Variants in ATP7A observed in about 807,000 individuals in gnomAD.
ATP7A encodes the protein ATPase copper transporting alpha, also known as copper-transporting ATPase 1.
Under a neutral mutation model 83.5 loss-of-function variants are expected in ATP7A, and 7 were observed. That is an observed-to-expected ratio of 0.08 (90% CI 0.05 to 0.16). ATP7A has a LOEUF of 0.16. Ranked by LOEUF, ATP7A falls within the 10% of genes least tolerant of loss-of-function variation. The pLI is 1.00. For missense variants in ATP7A, 940 were observed against 1,120.8 expected (o/e 0.84, Z 2.30); for synonymous variants, 354 against 395.2 (o/e 0.90, Z 1.24).
In ATP7A at chrX:77,974,473, G is replaced by A. The variant is rs782211188; in HGVS notation, c.120+2712G>A. On this transcript the variant is annotated intron_variant, in intron 2 of 22. Transcript: ENST00000341514. ...AGTTTTATTTATTCCTTTGTAGTCT[G>A]TATATCTTTTTTTTTTCCCTTGTAT... 5.4e-5 allele frequency among the ~76,000 whole-genome samples: 6 copies of A among 110,737 alleles called. No individual in the cohort carries two copies. In the South Asian group the frequency reaches 2.3e-3, roughly 42 times the overall value.
At chrX:78,018,957 A>C (rs1306517175) in intron 12 of ATP7A, among the ~76,000 whole-genome samples, 1 of 111,338 alleles carries the variant, frequency 9.0e-6, no homozygotes, top group Non-Finnish European at 1.9e-5. Flanking sequence ...CAAGAACAGC[A>C]TAGGGGAAAT....
chrX:77,967,651 CT>C (rs1304332363), intron 1 of ATP7A, among the ~76,000 whole-genome samples: 1 of 111,513 alleles, frequency 9.0e-6, no homozygotes, highest in Admixed American at 9.6e-5. Flanking sequence ...GATATTAGAC[CT>C]TTGTCAGATG....
intron 6 of ATP7A, among the ~76,000 whole-genome samples, chrX:78,006,684 A>G (rs1294810760): frequency 1.8e-5 from 2 of 111,794 alleles, no homozygotes; most frequent in East Asian, 5.6e-4. Flanking sequence ...CTAGGCAACC[A>G]CTAATCTACT....
In ATP7A at chrX:77,988,256, A is replaced by G; in HGVS notation, c.135A>G (p.Glu45=). ...CCTTCCAAAAGGTATCACTGGAAGA[A>G]AAAAATGCAACTATTATTTATGACC... The part of the protein sequence containing the change: ...GVHHIKVSLE[E]KNATIIYDPK... The change falls in exon 3 of 23, where the codon GAA becomes GAG. Residue 45 remains glutamate (E), a synonymous_variant. Coordinates refer to ENST00000341514, the MANE Select transcript of ATP7A (RefSeq NM_000052.7). 2 of 1,202,275 alleles carry G rather than the reference A, an allele frequency of 1.7e-6. No homozygotes were observed. Among genetic ancestry groups the G allele is most frequent in the South Asian group, 1.8e-5 (1 of 55,462 alleles).
At position 78,049,905 on chromosome X, in the gene ATP7A, G is replaced by C. The variant is rs2078103954; in HGVS notation, c.*3335G>C. The stretch of plus-strand genomic sequence containing the variant: ...TTTTTTTCTCTGGGTGAGGCATCTG[G>C]TTACTGGTTATTTTAAAAAGAATAA... On this transcript the variant is annotated 3_prime_UTR_variant, in exon 23 of 23. Coordinates refer to ENST00000341514, the MANE Select transcript of ATP7A (RefSeq NM_000052.7). The C allele has an allele frequency of 9.0e-6, 1 of 111,678 alleles. No homozygotes were observed. Among genetic ancestry groups the C allele is most frequent in the South Asian group, 3.7e-4 (1 of 2,693 alleles). The allele number at this position is 111,678 out of a possible 1,213,427, so 9.2% of individuals were successfully genotyped here. A position where few individuals can be genotyped will look rare whatever the true frequency, so the allele number is the denominator to read the frequency against.
intron 1 of ATP7A, chrX:77,924,688 C>T (rs1165695134): frequency 4.5e-5 from 5 of 111,381 alleles, no homozygotes; most frequent in Non-Finnish European, 9.4e-5. Context: ...CCTTTATTGG[C>T]CTAAGTCTTT....
At chrX:77,953,062 G>A (rs1301338851) in intron 1 of ATP7A, among the ~76,000 whole-genome samples, 1 of 111,905 alleles carries the variant, frequency 8.9e-6, no homozygotes, top group African/African-American at 3.2e-5. Context: ...GATTACAGGC[G>A]TGAGCCACCA....
intron 5 of ATP7A, 89 bp downstream of exon 5, chrX:77,998,773 G>T: frequency 1.0e-6 from 1 of 966,801 alleles, no homozygotes. Flanking sequence ...ACTATGTTAT[G>T]ATTCTTGGTA....
chrX:77,926,377 G>A lies in ATP7A; in HGVS notation c.-22+15542G>A, dbSNP rs782018964. Among the ~76,000 whole-genome samples, 27 of 111,073 alleles carry A rather than the reference G, an allele frequency of 2.4e-4. No individual in the cohort carries two copies. In the East Asian group the frequency reaches 6.7e-3, roughly 28 times the overall value. On this transcript the variant is annotated intron_variant, in intron 1 of 22. Transcript: ENST00000341514. ...ATTTGAGACAGAGTCTCATTCTGTC[G>A]CCCAGGCAGTGGGGGCAATCTCAGC... is the stretch of plus-strand genomic sequence containing the variant.
At chrX:78,042,107 ACT>A (rs1557238495) in intron 19 of ATP7A, among the ~76,000 whole-genome samples, 3 of 81,729 alleles carry the variant, frequency 3.7e-5, no homozygotes, top group African/African-American at 5.4e-5. Flanking sequence ...ACAGAGCAAG[ACT>A]CTGTCTCAAA....
chrX:78,006,864 T>C (rs1557233802), intron 6 of ATP7A, among the ~76,000 whole-genome samples: 1 of 112,628 alleles, frequency 8.9e-6, no homozygotes, highest in East Asian at 2.8e-4. Flanking sequence ...AATATTCCAA[T>C]GTATGAATAT....
At chrX:77,980,966 C>G (rs147209213) in intron 2 of ATP7A, among the ~76,000 whole-genome samples, 1,271 of 112,361 alleles carry the variant, frequency 0.011, 22 homozygotes, top group African/African-American at 0.038. Context: ...CCGTGCCCAG[C>G]CAAAGCTATT....
In ATP7A at chrX:78,047,407, T is replaced by G. The variant is rs1557239292; in HGVS notation, c.*837T>G. The G allele has an allele frequency of 8.9e-6, 1 of 112,223 alleles. No individual in the cohort carries two copies. The highest frequency in any genetic ancestry group is 3.2e-5 in the African/African-American group (1 of 30,904). 9.2% of individuals were successfully genotyped at this position (112,223 alleles called of 1,213,427 possible). A position where few individuals can be genotyped will look rare whatever the true frequency, so the allele number is the denominator to read the frequency against. ...TCAGTTTCAGTTCACTCCTGCCAAGTTGGACTCTAAGTTATTCTTCATGTA... is the reference window on the plus strand; with the variant it reads ...TCAGTTTCAGTTCACTCCTGCCAAGGTGGACTCTAAGTTATTCTTCATGTA... On this transcript the variant is annotated 3_prime_UTR_variant, in exon 23 of 23. Transcript: ENST00000341514.
At position 77,939,142 on chromosome X, in the gene ATP7A, A is replaced by G. The variant is rs782592281; in HGVS notation, c.-22+28307A>G. Among the ~76,000 whole-genome samples the G allele has an allele frequency of 4.5e-5, 5 of 110,936 alleles. No homozygotes were observed. In the South Asian group the frequency reaches 1.5e-3, roughly 33 times the overall value. ...AAAACCCTGTCTCTACTAAAAATAC[A>G]AAGAATTAGCTGGGTGTGGTGGTGT... On this transcript the variant is annotated intron_variant, in intron 1 of 22. Transcript: ENST00000341514.
chrX:78,032,130 G>T (rs1332795182), intron 16 of ATP7A, among the ~76,000 whole-genome samples: 4 of 112,085 alleles, frequency 3.6e-5, no homozygotes, highest in Admixed American at 1.9e-4. Flanking sequence ...TATACAGAAA[G>T]GTCATACAAT....
At chrX:77,963,086 T>G in intron 1 of ATP7A, 1 of 157,622 alleles carries the variant, frequency 6.3e-6, no homozygotes, top group South Asian at 1.4e-4. Context: ...TGATCAGTAC[T>G]TGTTTATTCT....
intron 1 of ATP7A, chrX:77,969,690 G>A (rs1557229406): frequency 5.9e-6 from 7 of 1,190,527 alleles, no homozygotes; most frequent in African/African-American, 1.7e-5. Context: ...GGTACAAAAG[G>A]TTATACGCTG....
At chrX:78,030,436 A>AG (rs1557236926) in intron 15 of ATP7A, among the ~76,000 whole-genome samples, 2 of 110,166 alleles carry the variant, frequency 1.8e-5, no homozygotes, top group Admixed American at 1.9e-4. Flanking sequence ...AAAAAAAAAA[A>AG]TGTTGCAAGA....
intron 1 of ATP7A, among the ~76,000 whole-genome samples, chrX:77,922,339 T>C (rs782784551): frequency 1.0e-4 from 11 of 110,077 alleles, no homozygotes; most frequent in Non-Finnish European, 1.3e-4. Context: ...ACCTCATCTC[T>C]ACAAAAAATA....
Sources: allele counts gnomAD v4.1 joint callset (sites outside exome capture counted in the v4.1 genomes callset), GRCh38; gene constraint gnomAD v4.1.1; transcripts MANE v1.5; gene names NCBI Gene and HGNC (gene_info 2026-07-23, HGNC 2026-07-21).